Variants in SLC24A1 observed in about 807,000 individuals in gnomAD.
SLC24A1 encodes the protein sodium/potassium/calcium exchanger 1.
SLC24A1 carries 52 observed loss-of-function variants against 88.1 expected under a neutral mutation model. The observed-to-expected ratio is 0.59, with a 90% CI of 0.47 to 0.74. The LOEUF is 0.74. SLC24A1 is among the 30% of genes least tolerant of loss of function. The pLI, the probability that SLC24A1 is intolerant of heterozygous loss-of-function variation, is 0.00. For synonymous variants in SLC24A1, 455 were observed against 498.0 expected (o/e 0.91, Z 1.15); for missense variants, 1,173 against 1,363.3 (o/e 0.86, Z 2.20).
chr15:65,651,955 T>G, intron 8 of SLC24A1, 196 bp downstream of exon 8: 1 of 601,012 alleles, frequency 1.7e-6, no homozygotes. Flanking sequence ...TTCTGTCATA[T>G]CCTGTAGCAT....
chr15:65,654,078 G>A lies in SLC24A1; in HGVS notation c.3299G>A (p.Ter1100=), dbSNP rs778995775. Residue 1100 remains the stop codon, a stop_retained_variant, in exon 10 of 10, where the codon TGA becomes TAA. Transcript: ENST00000261892. ...ATCATATCCTGTCCTGTATCTGTCT[G>A]AATCAGTCACTCTTGCTCACAATGG... ...DRIISCPVSV[*] is the part of the protein sequence containing the mutation. 1 of 1,611,558 alleles carries A rather than the reference G, an allele frequency of 6.2e-7. No individual in the cohort carries two copies. The highest frequency in any genetic ancestry group is 1.1e-5 in the South Asian group (1 of 90,960).
At chr15:65,640,627 C>T (rs2075092936) in intron 4 of SLC24A1, among the ~76,000 whole-genome samples, 1 of 152,184 alleles carries the variant, frequency 6.6e-6, no homozygotes, top group Admixed American at 6.5e-5. Flanking sequence ...CTGAATATGA[C>T]ACCACAGAAT....
Position 65,650,547 on chromosome 15 carries a change from G to A in SLC24A1, c.2398G>A (p.Ala800Thr). Residue 800 changes from alanine (A) to threonine (T), a missense_variant, in exon 7 of 10, where the codon GCA becomes ACA. Physicochemically the swap from Ala to Thr is moderately conservative, Grantham distance 58. Coordinates refer to ENST00000261892, the MANE Select transcript of SLC24A1 (RefSeq NM_004727.3). The surrounding 1 kb of genome is among the most constrained non-coding windows in gnomAD (Gnocchi z 4.1). ...KGEECEDENE[A>T]EGKGDNEGED... ...AGAAGAATGTGAAGATGAAAATGAAGCAGAAGGAAAAGGAGACAATGAAGG... is the reference window on the plus strand; with the variant it reads ...AGAAGAATGTGAAGATGAAAATGAAACAGAAGGAAAAGGAGACAATGAAGG... 1 of 1,551,830 alleles carries A rather than the reference G, an allele frequency of 6.4e-7. No homozygotes were observed. Among genetic ancestry groups the A allele is most frequent in the African/African-American group, 1.4e-5 (1 of 73,102 alleles).
At chr15:65,657,681 G>T (rs80206665), downstream of SLC24A1, among the ~76,000 whole-genome samples, 905 of 152,330 alleles carry the variant, frequency 5.9e-3, 9 homozygotes, top group African/African-American at 0.019. Context: ...AGAATTGGTT[G>T]GCCTTATGTG....
intron 9 of SLC24A1, 84 bp from the exon 10 acceptor site, chr15:65,653,746 C>A: frequency 7.5e-7 from 1 of 1,342,140 alleles, no homozygotes; most frequent in Non-Finnish European, 1.0e-6. Context: ...TGGAAAAATA[C>A]TTTGTAAAGT....
At chr15:65,612,654 A>G (rs1343712607) in intron 2 of SLC24A1, 2 of 152,222 alleles carry the variant, frequency 1.3e-5, no homozygotes, top group African/African-American at 4.8e-5. Flanking sequence ...CATGATTTCT[A>G]ATCTTGCCCT....
At chr15:65,651,342 C>A (rs1400228948) in intron 7 of SLC24A1, among the ~76,000 whole-genome samples, 1 of 152,104 alleles carries the variant, frequency 6.6e-6, no homozygotes, top group Non-Finnish European at 1.5e-5. Context: ...AAGGTCTGAC[C>A]AGAAAGGAAT....
intron 4 of SLC24A1, chr15:65,643,108 C>A: frequency 1.1e-6 from 1 of 936,022 alleles, no homozygotes; most frequent in Non-Finnish European, 1.5e-6. Context: ...GTGCCAGACA[C>A]TGTTTTGACC....
rs2075459852 is a variant in SLC24A1 at position 65,650,520 on chromosome 15, G to T, written c.2371G>T (p.Gly791Ter). 4 of 1,551,758 alleles carry T rather than the reference G, an allele frequency of 2.6e-6. No individual in the cohort carries two copies. Among genetic ancestry groups the T allele is most frequent in the Non-Finnish European group, 3.5e-6 (4 of 1,147,000 alleles). ...GEGETETQGK[G>*]EECEDENEAE... ...AGGTGAAACTGAAACACAAGGAAAA[G>T]GAGAAGAATGTGAAGATGAAAATGA... is the stretch of plus-strand genomic sequence containing the variant. Residue 791 changes from glycine to a stop codon, truncating the protein, a stop_gained, in exon 7 of 10, where the codon GGA becomes TGA. Transcript: ENST00000261892. LOFTEE classifies it high-confidence loss of function. The surrounding 1 kb of genome is among the most constrained non-coding windows in gnomAD (Gnocchi z 4.1).
chr15:65,614,507 C>A (rs770858107), intron 2 of SLC24A1, among the ~76,000 whole-genome samples: 7 of 152,206 alleles, frequency 4.6e-5, no homozygotes, highest in Non-Finnish European at 7.3e-5. Flanking sequence ...TCTCAGAAGT[C>A]TCTTTTAATC....
chr15:65,637,559 T>C (rs772737799), intron 2 of SLC24A1, among the ~76,000 whole-genome samples: 7 of 152,254 alleles, frequency 4.6e-5, no homozygotes, highest in Non-Finnish European at 1.0e-4. Context: ...GATTTTCATT[T>C]ATTCATTCAT....
intron 3 of SLC24A1, among the ~76,000 whole-genome samples, chr15:65,639,361 T>C (rs1485277441): frequency 2.6e-5 from 4 of 152,052 alleles, no homozygotes; most frequent in African/African-American, 7.3e-5. Flanking sequence ...TGTGGAGACG[T>C]TGGGAAATTA....
Position 65,656,025 on chromosome 15 carries a change from A to AG in SLC24A1, c.*1947dup. On this transcript the variant is annotated 3_prime_UTR_variant, in exon 10 of 10. Transcript: ENST00000261892. The stretch of plus-strand genomic sequence containing the variant: ...GCTGGGTTTCCATAGCCAAGGCCTA[A>AG]GAACAGGAGGAGAAGGCAATGCTTG... 1.0e-6 allele frequency: 1 copy of AG among 985,418 alleles called. No individual in the cohort carries two copies. The highest frequency in any genetic ancestry group is 1.2e-6 in the Non-Finnish European group (1 of 829,936). 61.0% of individuals were successfully genotyped at this position (985,418 alleles called of 1,614,324 possible).
At chr15:65,627,133 AG>A (rs2074546722) in intron 2 of SLC24A1, among the ~76,000 whole-genome samples, 2 of 152,214 alleles carry the variant, frequency 1.3e-5, no homozygotes, top group African/African-American at 2.4e-5. Context: ...CACTTCCTTT[AG>A]ACTTTTTAGA....
In SLC24A1 at chr15:65,624,109, A is replaced by G. The variant is rs2074412766; in HGVS notation, c.29A>G (p.Gln10Arg). 6.2e-7 allele frequency: 1 copy of G among 1,608,882 alleles called. No individual in the cohort carries two copies. The highest frequency in any genetic ancestry group is 1.1e-5 in the South Asian group (1 of 90,132). ...GGGAAATTGATCAGGATGGGGCCGC[A>G]AGAGAGGTGGTTACTCCGGACAAAG... MGKLIRMGP[Q>R]ERWLLRTKRL... Residue 10 changes from glutamine (Q) to arginine (R), a missense_variant, in exon 2 of 10, where the codon CAA becomes CGA. Gln to Arg is a conservative substitution (Grantham distance 43). Transcript: ENST00000261892.
At position 65,654,134 on chromosome 15, in the gene SLC24A1, T is replaced by C; in HGVS notation, c.*55T>C. 1 of 1,574,094 alleles carries C rather than the reference T, an allele frequency of 6.4e-7. No homozygotes were observed. Among genetic ancestry groups the C allele is most frequent in the East Asian group, 2.2e-5 (1 of 44,530 alleles). ...GATCAGAAGACCATGCAGAAGTTAC[T>C]GTATCTCTTGTGACCCTAATGAAAG... On this transcript the variant is annotated 3_prime_UTR_variant, in exon 10 of 10. Transcript: ENST00000261892.
chr15:65,655,619 A>G lies in SLC24A1; in HGVS notation c.*1540A>G, dbSNP rs1596360219. 1 of 985,402 alleles carries G rather than the reference A, an allele frequency of 1.0e-6. No homozygotes were observed. Among genetic ancestry groups the G allele is most frequent in the Non-Finnish European group, 1.2e-6 (1 of 829,902 alleles). The allele number at this position is 985,402 out of a possible 1,614,324, so 61.0% of individuals were successfully genotyped here. On this transcript the variant is annotated 3_prime_UTR_variant, in exon 10 of 10. Coordinates refer to ENST00000261892, the MANE Select transcript of SLC24A1 (RefSeq NM_004727.3). ...GCAAAATGAGCTCGGGTGACTGCAG[A>G]TTATGATGGTAAATATGGCTTTAAT...
At chr15:65,647,959 A>G (rs1048366570) in intron 6 of SLC24A1, among the ~76,000 whole-genome samples, 6 of 152,144 alleles carry the variant, frequency 3.9e-5, no homozygotes, top group Non-Finnish European at 5.9e-5. Flanking sequence ...TTGGGCATCA[A>G]TGGTTTAAAA....
chr15:65,647,120 C>T (rs1027164327), intron 6 of SLC24A1, among the ~76,000 whole-genome samples: 2 of 152,164 alleles, frequency 1.3e-5, no homozygotes, highest in East Asian at 3.9e-4. Context: ...ACACATATAA[C>T]CCCAAGCTAC....
Sources: allele counts gnomAD v4.1 joint callset (sites outside exome capture counted in the v4.1 genomes callset), GRCh38; gene constraint gnomAD v4.1.1; non-coding constraint Gnocchi (gnomAD v3.1); transcripts MANE v1.5; gene names NCBI Gene and HGNC (gene_info 2026-07-23, HGNC 2026-07-21).